The following OR6C3 variants were observed in gnomAD, a reference collection of about 807,000 sequenced individuals.
OR6C3 encodes olfactory receptor 6C3.
For missense variants in OR6C3, 487 were observed against 364.6 expected (o/e 1.34, Z -2.73); for synonymous variants, 177 against 137.4 (o/e 1.29, Z -2.02).
rs572695238 is a variant in OR6C3 at position 55,331,622 on chromosome 12, C to T, written c.-44-35C>T. 126 of 839,290 alleles carry T rather than the reference C, an allele frequency of 1.5e-4. No individual in the cohort carries two copies. The Admixed American group carries it at 2.9e-3, about 19-fold the overall frequency. The allele number at this position is 839,290 out of a possible 1,614,324, so 52.0% of individuals were successfully genotyped here. ...ATGAATTATATCTTTTATCTATTTT[C>T]CTTAATTATCATTCTACCAAAATAT... On this transcript the variant is annotated intron_variant, in intron 1 of 1. Coordinates refer to ENST00000641740, the MANE Select transcript of OR6C3 (RefSeq NM_001388498.1).
chr12:55,331,837 C>G lies in OR6C3; in HGVS notation c.137C>G (p.Thr46Ser). ...GGAAACCTGACTATCATCACCCTAA[C>G]CTTTGTGGACTCCCATCTGCAGACA... Reference protein sequence around the residue: ...VTGNLTIITLTFVDSHLQTPM... With the variant: ...VTGNLTIITLSFVDSHLQTPM... The change falls in exon 2 of 2, where the codon ACC (threonine) becomes AGC (serine). Residue 46 changes from threonine (T) to serine (S), a missense_variant. Thr to Ser is a moderately conservative substitution (Grantham distance 58, BLOSUM62 1). Coordinates refer to ENST00000641740, the MANE Select transcript of OR6C3 (RefSeq NM_001388498.1). 3.1e-6 allele frequency: 5 copies of G among 1,613,972 alleles called. No individual in the cohort carries two copies. Among genetic ancestry groups the G allele is most frequent in the Non-Finnish European group, 4.2e-6 (5 of 1,179,888 alleles).
Position 55,331,737 on chromosome 12 carries a change from G to C in OR6C3, c.37G>C (p.Gly13Arg). 6.2e-7 allele frequency: 1 copy of C among 1,613,596 alleles called. No individual in the cohort carries two copies. Among genetic ancestry groups the C allele is most frequent in the Non-Finnish European group, 8.5e-7 (1 of 1,179,706 alleles). The change falls in exon 2 of 2, where the codon GGC becomes CGC. Residue 13 changes from glycine (G) to arginine (R), a missense_variant. Coordinates refer to ENST00000641740, the MANE Select transcript of OR6C3 (RefSeq NM_001388498.1). Reference sequence around the variant, plus strand: ...AATGGTCACAGAGTTTGTCCTCCTGGGCCTTTCTGATGATCCTGACCTTCA... The same window carrying C: ...AATGGTCACAGAGTTTGTCCTCCTGCGCCTTTCTGATGATCCTGACCTTCA... ...HTMVTEFVLL[G>R]LSDDPDLQIV...
intron 1 of OR6C3, 131 bp from the exon 2 acceptor site, chr12:55,331,526 C>T (rs1359368307): frequency 4.0e-6 from 2 of 503,814 alleles, no homozygotes; most frequent in Non-Finnish European, 6.9e-6. Flanking sequence ...AAACATAATG[C>T]AAACAAGATA....
upstream of OR6C3, chr12:55,330,312 T>C (rs1868802646): frequency 6.6e-6 from 1 of 152,196 alleles, no homozygotes. Flanking sequence ...TAGTTCAACA[T>C]TATTGAAGAG....
In OR6C3 at chr12:55,332,167, C is replaced by G. The variant is rs765134719; in HGVS notation, c.467C>G (p.Pro156Arg). The G allele has an allele frequency of 4.3e-5, 69 of 1,613,860 alleles. No homozygotes were observed. The Admixed American group carries it at 1.1e-3, about 26-fold the overall frequency. ...WLSGFLTIFPPLMLLLQLDYC... is the reference protein window; with the variant it reads ...WLSGFLTIFPRLMLLLQLDYC... ...AGTGGGTTTCTGACCATTTTCCCAC[C>G]CCTTATGCTTCTCCTCCAGCTGGAT... The change falls in exon 2 of 2, where the codon CCC (proline) becomes CGC (arginine). Residue 156 changes from proline to arginine, a missense_variant. Transcript: ENST00000641740.
At chr12:55,331,497 G>A (rs1868844422) in intron 1 of OR6C3, among the ~76,000 whole-genome samples, 160 bp from the exon 2 acceptor site, 1 of 151,982 alleles carries the variant, frequency 6.6e-6, no homozygotes, top group Admixed American at 6.6e-5. Flanking sequence ...AAATAGGCTG[G>A]ACTTAGAAAA....
At position 55,332,449 on chromosome 12, in the gene OR6C3, G is replaced by A. The variant is rs138042013; in HGVS notation, c.749G>A (p.Gly250Glu). 1.6e-4 allele frequency: 256 copies of A among 1,613,852 alleles called. 2 individuals are homozygous for A. The African/African-American group carries it at 2.6e-3, about 16-fold the overall frequency. ...SHMIVISISY[G>E]SCIFMYANPS... Reference sequence around the variant, plus strand: ...ATGATTGTCATTTCCATTTCTTATGGAAGCTGTATATTCATGTATGCTAAT... The same window carrying A: ...ATGATTGTCATTTCCATTTCTTATGAAAGCTGTATATTCATGTATGCTAAT... The change falls in exon 2 of 2, where the codon GGA becomes GAA. Residue 250 changes from glycine to glutamate, a missense_variant. By Grantham distance (98) the Gly-to-Glu change is moderately conservative. Transcript: ENST00000641740.
chr12:55,330,717 A>G (rs1286388288), upstream of OR6C3: 3 of 152,324 alleles, frequency 2.0e-5, no homozygotes, highest in East Asian at 5.8e-4. Flanking sequence ...ACTAGGAAAT[A>G]AAACTTTTTC....
At chr12:55,331,437 T>C (rs371217174) in intron 1 of OR6C3, among the ~76,000 whole-genome samples, 3 of 151,972 alleles carry the variant, frequency 2.0e-5, no homozygotes, top group Non-Finnish European at 4.4e-5. Context: ...ATGTGGCTTA[T>C]TGTCTGAAGA....
chr12:55,331,875 T>C lies in OR6C3; in HGVS notation c.175T>C (p.Phe59Leu), dbSNP rs201948061. ...DSHLQTPMYF[F>L]LRNFSFLEIS... ...CCATCTGCAGACACCTATGTATTTC[T>C]TCCTCCGGAACTTCTCTTTCTTAGA... is the stretch of plus-strand genomic sequence containing the variant. The change falls in exon 2 of 2, where the codon TTC (phenylalanine) becomes CTC (leucine). Residue 59 changes from phenylalanine to leucine, a missense_variant. By Grantham distance (22) the Phe-to-Leu change is conservative (BLOSUM62 0). Coordinates refer to ENST00000641740, the MANE Select transcript of OR6C3 (RefSeq NM_001388498.1). 2 of 1,614,166 alleles carry C rather than the reference T, an allele frequency of 1.2e-6. No homozygotes were observed. Among genetic ancestry groups the C allele is most frequent in the South Asian group, 2.2e-5 (2 of 91,088 alleles).
At chr12:55,331,590 G>C (rs1234342876) in intron 1 of OR6C3, 67 bp from the exon 2 acceptor site, 2 of 667,156 alleles carry the variant, frequency 3.0e-6, no homozygotes, top group Non-Finnish European at 5.1e-6. Context: ...TAATTATATG[G>C]ATCATGATGA....
In OR6C3 at chr12:55,332,505, A is replaced by G; in HGVS notation, c.805A>G (p.Lys269Glu). 6.2e-7 allele frequency: 1 copy of G among 1,613,994 alleles called. No homozygotes were observed. The highest frequency in any genetic ancestry group is 8.5e-7 in the Non-Finnish European group (1 of 1,179,950). ...TGCAAAAGAAAAGGCATCATTGACA[A>G]AAGGAATAGCTATTCTCAATACATC... Reference protein sequence around the residue: ...PSAKEKASLTKGIAILNTSVA... With the variant: ...PSAKEKASLTEGIAILNTSVA... The change falls in exon 2 of 2, where the codon AAA becomes GAA. Residue 269 changes from lysine (K) to glutamate (E), a missense_variant. Coordinates refer to ENST00000641740, the MANE Select transcript of OR6C3 (RefSeq NM_001388498.1).
chr12:55,332,562 A>T lies in OR6C3; in HGVS notation c.862A>T (p.Thr288Ser), dbSNP rs1464110915. 1.2e-6 allele frequency: 2 copies of T among 1,612,216 alleles called. No individual in the cohort carries two copies. Among genetic ancestry groups the T allele is most frequent in the South Asian group, 1.1e-5 (1 of 90,922 alleles). Residue 288 changes from threonine to serine, a missense_variant, in exon 2 of 2, where the codon ACT (threonine) becomes TCT (serine). Physicochemically the swap from Thr to Ser is moderately conservative, Grantham distance 58 (BLOSUM62 1). Coordinates refer to ENST00000641740, the MANE Select transcript of OR6C3 (RefSeq NM_001388498.1). ...VAPMLNPFIY[T>S]LRNQQVKQAF... ...CCCCATGCTGAACCCCTTCATTTAC[A>T]CTCTGAGAAACCAGCAAGTAAAACA...
At chr12:55,330,228 C>T (rs1868799608), upstream of OR6C3, 1 of 152,018 alleles carries the variant, frequency 6.6e-6, no homozygotes, top group Non-Finnish European at 1.5e-5. Flanking sequence ...ATATATTTAC[C>T]TATTTTCTCT....
At position 55,332,078 on chromosome 12, in the gene OR6C3, C is replaced by T. The variant is rs771468038; in HGVS notation, c.378C>T (p.Pro126=). The T allele has an allele frequency of 6.2e-7, 1 of 1,614,116 alleles. No individual in the cohort carries two copies. The highest frequency in any genetic ancestry group is 8.5e-7 in the Non-Finnish European group (1 of 1,180,012). ...SYDRYVAICK[P]LHYTSIMNRK... is the part of the protein sequence containing the mutation. ...ACCGCTATGTTGCCATCTGCAAGCC[C>T]CTTCATTACACATCCATCATGAACA... Residue 126 remains proline (P), a synonymous_variant, in exon 2 of 2, where the codon CCC becomes CCT. Coordinates refer to ENST00000641740, the MANE Select transcript of OR6C3 (RefSeq NM_001388498.1).
upstream of OR6C3, chr12:55,330,323 G>A (rs540068444): frequency 6.6e-6 from 1 of 152,078 alleles, no homozygotes; most frequent in Admixed American, 6.5e-5. Context: ...TATTGAAGAG[G>A]AATATAATGT....
Position 55,331,758 on chromosome 12 carries a change from CT to C in OR6C3, c.60del (p.Gln21ArgfsTer3). ...CCTGGGCCTTTCTGATGATCCTGAC[CT>C]TCAGATTGTGATTTTTCTCTTTTTA... Reference protein sequence around the residue: ...VLLGLSDDPDLQIVIFLFLFI... With the variant: ...VLLGLSDDPDXQIVIFLFLFI... On this transcript the variant is annotated frameshift_variant, in exon 2 of 2. Transcript: ENST00000641740. LOFTEE classifies it low-confidence loss of function (END_TRUNC). 1 of 1,613,902 alleles carries C rather than the reference CT, an allele frequency of 6.2e-7. No homozygotes were observed. Among genetic ancestry groups the C allele is most frequent in the Non-Finnish European group, 8.5e-7 (1 of 1,179,866 alleles).
chr12:55,332,309 T>C lies in OR6C3; in HGVS notation c.609T>C (p.Thr203=), dbSNP rs1274221087. Residue 203 remains threonine, a synonymous_variant, in exon 2 of 2, where the codon ACT becomes ACC. Coordinates refer to ENST00000641740, the MANE Select transcript of OR6C3 (RefSeq NM_001388498.1). The part of the protein sequence containing the change: ...EVIGFYFALV[T]LLFTLALVIL... Reference sequence around the variant, plus strand: ...TTGGTTTTTACTTTGCTTTGGTTACTTTGCTGTTCACTTTGGCATTAGTGA... The same window carrying C: ...TTGGTTTTTACTTTGCTTTGGTTACCTTGCTGTTCACTTTGGCATTAGTGA... 6.2e-7 allele frequency: 1 copy of C among 1,614,160 alleles called. No homozygotes were observed. The highest frequency in any genetic ancestry group is 1.7e-5 in the Admixed American group (1 of 60,026).
At position 55,331,846 on chromosome 12, in the gene OR6C3, A is replaced by T; in HGVS notation, c.146A>T (p.Asp49Val). 3.1e-6 allele frequency: 5 copies of T among 1,613,854 alleles called. No homozygotes were observed. Among genetic ancestry groups the T allele is most frequent in the Non-Finnish European group, 4.2e-6 (5 of 1,179,938 alleles). The change falls in exon 2 of 2, where the codon GAC becomes GTC. Residue 49 changes from aspartate (D) to valine (V), a missense_variant. Transcript: ENST00000641740. ...ACTATCATCACCCTAACCTTTGTGG[A>T]CTCCCATCTGCAGACACCTATGTAT... ...NLTIITLTFVDSHLQTPMYFF... is the reference protein window; with the variant it reads ...NLTIITLTFVVSHLQTPMYFF...
Sources: allele counts gnomAD v4.1 joint callset (sites outside exome capture counted in the v4.1 genomes callset), GRCh38; gene constraint gnomAD v4.1.1; transcripts MANE v1.5; gene names NCBI Gene and HGNC (gene_info 2026-07-23, HGNC 2026-07-21).